The following SLCO6A1 variants were observed in gnomAD, a reference collection of about 807,000 sequenced individuals.
SLCO6A1 encodes cancer/testis antigen 48.
In SLCO6A1, 65 loss-of-function variants were observed where a neutral mutation model predicts 72.7. The observed-to-expected ratio is 0.89, with a 90% CI of 0.73 to 1.10. The LOEUF is 1.10. SLCO6A1 is among the 50% of genes least tolerant of loss of function. The pLI is 0.00. For missense variants in SLCO6A1, 874 were observed against 872.6 expected (o/e 1.00, Z -0.02); for synonymous variants, 314 against 298.2 (o/e 1.05, Z -0.55).
At chr5:102,437,857 T>C (rs973267790) in intron 7 of SLCO6A1, among the ~76,000 whole-genome samples, 8 of 152,168 alleles carry the variant, frequency 5.3e-5, no homozygotes, top group African/African-American at 1.7e-4. Context: ...GATGCATCCT[T>C]GACCTTTTAC....
At chr5:102,487,528 C>T (rs1752497548) in intron 1 of SLCO6A1, among the ~76,000 whole-genome samples, 1 of 152,204 alleles carries the variant, frequency 6.6e-6, no homozygotes, top group Non-Finnish European at 1.5e-5. Flanking sequence ...CTGTTTCCTA[C>T]AGATACTTTA....
At chr5:102,449,535 C>T (rs148626621) in intron 6 of SLCO6A1, among the ~76,000 whole-genome samples, 2,733 of 152,078 alleles carry the variant, frequency 0.018, 53 homozygotes, top group African/African-American at 0.05. Flanking sequence ...TACAGGCACC[C>T]GCCACCACAC....
rs144200606 is a variant in SLCO6A1 at position 102,437,157 on chromosome 5, C to T, written c.1276+1460G>A. Among the ~76,000 whole-genome samples the T allele has an allele frequency of 2.5e-3, 374 of 152,264 alleles. 3 individuals are homozygous for T. Among genetic ancestry groups the T allele is most frequent in the Admixed American group, 9.2e-3 (141 of 15,290 alleles). ...ACTATAGGGCAAAATTTGTCTGTGA[C>T]TTGACTTGAAATAATCAATGACACC... On this transcript the variant is annotated intron_variant, in intron 7 of 13. Transcript: ENST00000506729.
intron 10 of SLCO6A1, among the ~76,000 whole-genome samples, chr5:102,397,961 T>C (rs1180827590): frequency 6.6e-6 from 1 of 152,164 alleles, no homozygotes; most frequent in Non-Finnish European, 1.5e-5. Context: ...TACTATTATC[T>C]CTTTCATCTC....
intron 8 of SLCO6A1, among the ~76,000 whole-genome samples, chr5:102,414,925 A>T (rs201945012): frequency 0.011 from 1,216 of 113,866 alleles, 7 homozygotes; most frequent in African/African-American, 0.015. Flanking sequence ...ATAAATAAAT[A>T]AATAAATAAA....
chr5:102,423,138 G>A (rs569841276), intron 7 of SLCO6A1, among the ~76,000 whole-genome samples: 54 of 152,072 alleles, frequency 3.6e-4, no homozygotes, highest in African/African-American at 1.3e-3. Context: ...CTAAATATGG[G>A]AAGGAAAAAC....
At chr5:102,486,884 C>T (rs752386432) in intron 1 of SLCO6A1, among the ~76,000 whole-genome samples, 6 of 152,146 alleles carry the variant, frequency 3.9e-5, no homozygotes, top group Non-Finnish European at 7.4e-5. Flanking sequence ...AGGTGTTTAT[C>T]TTCAACAGAA....
At chr5:102,487,037 G>T in intron 1 of SLCO6A1, among the ~76,000 whole-genome samples, 1 of 152,054 alleles carries the variant, frequency 6.6e-6, no homozygotes, top group East Asian at 1.9e-4. Context: ...TGCTAATGGG[G>T]TGAATTCATT....
At chr5:102,451,544 C>A (rs1322411348) in intron 6 of SLCO6A1, among the ~76,000 whole-genome samples, 1 of 152,194 alleles carries the variant, frequency 6.6e-6, no homozygotes, top group African/African-American at 2.4e-5. Context: ...CCATGCAGCT[C>A]TTCATGTCAT....
intron 1 of SLCO6A1, among the ~76,000 whole-genome samples, chr5:102,483,396 C>T (rs1358580435): frequency 6.6e-6 from 1 of 152,136 alleles, no homozygotes; most frequent in East Asian, 1.9e-4. Context: ...CATACTTCTA[C>T]CATTGAAAAA....
chr5:102,463,941 C>T (rs1751179859), intron 4 of SLCO6A1, among the ~76,000 whole-genome samples: 1 of 149,960 alleles, frequency 6.7e-6, no homozygotes, highest in African/African-American at 2.5e-5. Flanking sequence ...TTTGCAGCAA[C>T]CTGGATGGAA....
intron 4 of SLCO6A1, among the ~76,000 whole-genome samples, chr5:102,460,424 C>T (rs1429844162): frequency 6.6e-6 from 1 of 152,034 alleles, no homozygotes; most frequent in African/African-American, 2.4e-5. Context: ...ATTGGAAAGT[C>T]GAGGATTCTA....
intron 6 of SLCO6A1, 133 bp from the exon 7 acceptor site, chr5:102,438,894 T>C (rs1210868893): frequency 4.1e-6 from 2 of 490,554 alleles, no homozygotes; most frequent in African/African-American, 4.1e-5. Context: ...AATTGATAGA[T>C]AGATGATAGA....
intron 4 of SLCO6A1, among the ~76,000 whole-genome samples, chr5:102,460,597 T>C (rs1180099768): frequency 6.6e-6 from 1 of 152,076 alleles, no homozygotes; most frequent in Non-Finnish European, 1.5e-5. Flanking sequence ...GATTAATACA[T>C]AGACGCCATT....
rs772139007 is a variant in SLCO6A1 at position 102,477,636 on chromosome 5, C to T, written c.802+40G>A. 4 of 1,561,920 alleles carry T rather than the reference C, an allele frequency of 2.6e-6. No individual in the cohort carries two copies. The Admixed American group carries it at 7.4e-5, about 29-fold the overall frequency. On this transcript the variant is annotated intron_variant, in intron 3 of 13. Transcript: ENST00000506729. ...TATGCATACCAAAATTCAAAGAAAA[C>T]TCAAAATGGGTCAATCGTAATAGAG...
At chr5:102,470,724 T>C (rs566391388) in intron 4 of SLCO6A1, among the ~76,000 whole-genome samples, 7 of 152,116 alleles carry the variant, frequency 4.6e-5, no homozygotes, top group Admixed American at 3.9e-4. Context: ...GTAGAGATTA[T>C]TATTTCTCTT....
intron 6 of SLCO6A1, among the ~76,000 whole-genome samples, chr5:102,456,248 C>T (rs1177366207): frequency 1.3e-5 from 2 of 152,140 alleles, no homozygotes; most frequent in East Asian, 3.9e-4. Context: ...GTTGGAAGTT[C>T]TGGCCAGGGC....
At chr5:102,438,283 A>G (rs995783359) in intron 7 of SLCO6A1, among the ~76,000 whole-genome samples, 3 of 152,110 alleles carry the variant, frequency 2.0e-5, no homozygotes, top group Admixed American at 6.5e-5. Context: ...AAAGTGATAC[A>G]TAAATTTTAG....
chr5:102,391,108 T>A, intron 10 of SLCO6A1, 63 bp from the exon 11 acceptor site: 1 of 1,440,516 alleles, frequency 6.9e-7, no homozygotes, highest in African/African-American at 1.4e-5. Flanking sequence ...GAATGTATGC[T>A]AGATTCAAGG....
Sources: allele counts gnomAD v4.1 joint callset (sites outside exome capture counted in the v4.1 genomes callset), GRCh38; gene constraint gnomAD v4.1.1; transcripts MANE v1.5; gene names NCBI Gene and HGNC (gene_info 2026-07-23, HGNC 2026-07-21).